Variants in CPT1A observed in about 807,000 individuals in gnomAD.
CPT1A encodes the protein carnitine palmitoyltransferase 1A, also known as carnitine O-palmitoyltransferase 1, liver isoform.
In CPT1A, 64 loss-of-function variants were observed where a neutral mutation model predicts 100.8. The ratio of observed to expected loss-of-function variants is 0.63; its 90% CI spans 0.52 to 0.78. CPT1A has a LOEUF of 0.78. CPT1A is among the 30% of genes least tolerant of loss of function. The pLI is 0.00. For synonymous variants in CPT1A, 363 were observed against 396.0 expected (o/e 0.92, Z 0.99); for missense variants, 802 against 1,034.1 (o/e 0.78, Z 3.08).
intron 6 of CPT1A, 78 bp downstream of exon 6, chr11:68,799,140 C>T: frequency 7.4e-7 from 1 of 1,345,954 alleles, no homozygotes; most frequent in Non-Finnish European, 1.1e-6. Flanking sequence ...TCATTTCAGC[C>T]CTGTTATCCC....
intron 14 of CPT1A, among the ~76,000 whole-genome samples, chr11:68,768,943 C>T (rs1376078689): frequency 6.6e-6 from 1 of 152,196 alleles, no homozygotes; most frequent in Non-Finnish European, 1.5e-5. Context: ...AAAGCCTTTA[C>T]CAACCCCGTA....
At chr11:68,827,013 G>A (rs1474602947) in intron 1 of CPT1A, among the ~76,000 whole-genome samples, 1 of 152,068 alleles carries the variant, frequency 6.6e-6, no homozygotes, top group East Asian at 1.9e-4. Context: ...GAGGAGTGGG[G>A]GTGAGGTGGG....
chr11:68,775,280 C>G, intron 13 of CPT1A, 36 bp downstream of exon 13: 1 of 1,505,310 alleles, frequency 6.6e-7, no homozygotes, highest in Non-Finnish European at 9.3e-7. Context: ...TTTCCCATCC[C>G]AGGTAAGTAA....
At chr11:68,842,078 T>C, upstream of CPT1A, 1 of 580,400 alleles carries the variant, frequency 1.7e-6, no homozygotes, top group Non-Finnish European at 2.2e-6. Flanking sequence ...CGGAATGGGG[T>C]CTAGGACGAG....
At chr11:68,770,613 T>G (rs143071320) in intron 14 of CPT1A, among the ~76,000 whole-genome samples, 163 of 152,330 alleles carry the variant, frequency 1.1e-3, no homozygotes, top group Middle Eastern at 3.4e-3. Context: ...GTGAAACGTC[T>G]TCTTAGGATC....
In CPT1A at chr11:68,803,712, AAAAAT is replaced by A. The variant is rs59753299; in HGVS notation, c.555+283_555+287del. Among the ~76,000 whole-genome samples the A allele has an allele frequency of 0.11, 16,333 of 143,562 alleles. 991 individuals are homozygous for A. Among genetic ancestry groups the A allele is most frequent in the Middle Eastern group, 0.14 (41 of 286 alleles). 94.2% of individuals were successfully genotyped at this position (143,562 alleles called of 152,430 possible). A position where few individuals can be genotyped will look rare whatever the true frequency, so the allele number is the denominator to read the frequency against. Reference sequence around the variant, plus strand: ...GGTGACAGAGGGAGAGTCCATCACAAAAAATAAAATAAAATAAAATAAAATAAAAT... The same window carrying A: ...GGTGACAGAGGGAGAGTCCATCACAAAAAATAAAATAAAATAAAATAAAAT... On this transcript the variant is annotated intron_variant, in intron 5 of 18. Transcript: ENST00000265641.
chr11:68,787,520 G>T (rs1184718990), intron 9 of CPT1A, among the ~76,000 whole-genome samples: 1 of 151,910 alleles, frequency 6.6e-6, no homozygotes, highest in South Asian at 2.1e-4. Context: ...AGGCTGAACT[G>T]TGTCCCCCCA....
chr11:68,842,139 C>T (rs567343961), upstream of CPT1A, among the ~76,000 whole-genome samples: 1 of 152,148 alleles, frequency 6.6e-6, no homozygotes, highest in African/African-American at 2.4e-5. Context: ...CGAGCCATCT[C>T]GTGGAGGCCG....
At chr11:68,793,745 CAAAAAAA>C (rs1289830613) in intron 8 of CPT1A, among the ~76,000 whole-genome samples, 8 of 66,228 alleles carry the variant, frequency 1.2e-4, no homozygotes, top group Non-Finnish European at 3.1e-5. Flanking sequence ...GACTCTGTCT[CAAAAAAA>C]AAAAAAAAAA....
At chr11:68,824,326 G>A (rs1856667543) in intron 1 of CPT1A, among the ~76,000 whole-genome samples, 1 of 151,848 alleles carries the variant, frequency 6.6e-6, no homozygotes. Context: ...AGGCAGCAGG[G>A]CAAGGGCTGA....
chr11:68,811,310 T>C lies in CPT1A; in HGVS notation c.281+1127A>G, dbSNP rs531977739. ...AACCACCGTGTCCAAATGGCAAAAA[T>C]GCCATTGGTGTAAACAAGCAGCACA... On this transcript the variant is annotated intron_variant, in intron 3 of 18. Coordinates refer to ENST00000265641, the MANE Select transcript of CPT1A (RefSeq NM_001876.4). Among the ~76,000 whole-genome samples the C allele has an allele frequency of 6.6e-5, 10 of 152,078 alleles. No individual in the cohort carries two copies. In the East Asian group the frequency reaches 1.9e-3, roughly 29 times the overall value.
At chr11:68,767,978 C>A (rs1407436981) in intron 14 of CPT1A, among the ~76,000 whole-genome samples, 2 of 151,808 alleles carry the variant, frequency 1.3e-5, no homozygotes, top group African/African-American at 4.8e-5. Flanking sequence ...AAGGCACAGG[C>A]CTGTCTCCCA....
chr11:68,788,114 T>C (rs1318812008), intron 9 of CPT1A, among the ~76,000 whole-genome samples: 2 of 152,074 alleles, frequency 1.3e-5, no homozygotes, highest in Non-Finnish European at 2.9e-5. Flanking sequence ...AATCGCTGTC[T>C]TGCTTAAGCC....
At chr11:68,759,225 C>T (rs1443126149) in intron 18 of CPT1A, among the ~76,000 whole-genome samples, 43 of 151,834 alleles carry the variant, frequency 2.8e-4, no homozygotes, top group Admixed American at 2.8e-3. Flanking sequence ...GAAACCCTGT[C>T]TCTACTAAAA....
intron 11 of CPT1A, among the ~76,000 whole-genome samples, 196 bp from the exon 12 acceptor site, chr11:68,780,941 C>A (rs986735520): frequency 3.3e-5 from 5 of 152,162 alleles, no homozygotes; most frequent in African/African-American, 1.2e-4. Flanking sequence ...CTTCCCTGTC[C>A]CAGACACAAA....
At chr11:68,822,728 A>G (rs1293888649) in intron 1 of CPT1A, among the ~76,000 whole-genome samples, 1 of 152,216 alleles carries the variant, frequency 6.6e-6, no homozygotes, top group African/African-American at 2.4e-5. Flanking sequence ...TGGTCCATCC[A>G]TACTGTGGAA....
intron 14 of CPT1A, 88 bp downstream of exon 14, chr11:68,773,177 C>A: frequency 6.3e-7 from 1 of 1,592,498 alleles, no homozygotes; most frequent in Non-Finnish European, 8.5e-7. Context: ...GGGTTTCGGG[C>A]CTTCCCTCCC....
At chr11:68,819,452 G>T (rs1856521492) in intron 1 of CPT1A, among the ~76,000 whole-genome samples, 8 of 152,170 alleles carry the variant, frequency 5.3e-5, no homozygotes, top group Admixed American at 5.2e-4. Flanking sequence ...CCCAGAAGAG[G>T]ACTCTGCAAA....
Position 68,812,573 on chromosome 11 carries a change from C to T in CPT1A, c.145G>A (p.Gly49Ser), listed in dbSNP as rs552007692. ...GCCGGGTACACGCCAGTGATGATGC[C>T]GTTCTAAAGACAGACACCCGGGCCG... ...WKKKFIRFKN[G>S]IITGVYPASP... The change falls in exon 3 of 19, where the codon GGC becomes AGC. Residue 49 changes from glycine (G) to serine (S), a missense_variant. Gly to Ser is a moderately conservative substitution (Grantham distance 56). Transcript: ENST00000265641. 215 of 1,614,118 alleles carry T rather than the reference C, an allele frequency of 1.3e-4. 1 individual carries two copies. In the South Asian group the frequency reaches 1.4e-3, roughly 10 times the overall value.
Sources: gnomAD v4.1 joint callset for allele counts (sites outside exome capture counted in the v4.1 genomes callset) on GRCh38, gnomAD v4.1.1 for gene constraint, MANE v1.5 for transcripts, NCBI Gene and HGNC (gene_info 2026-07-23, HGNC 2026-07-21) for gene names.